Variants in HDAC9 observed in about 807,000 individuals in gnomAD.
HDAC9 encodes the protein MEF-2 interacting transcription repressor (MITR) protein.
Under a neutral mutation model 139.4 loss-of-function variants are expected in HDAC9, and 41 were observed. The observed-to-expected ratio is 0.29, with a 90% CI of 0.23 to 0.38. The LOEUF (loss-of-function observed/expected upper bound fraction) is 0.38, where lower values mean the gene tolerates loss of function less well. HDAC9 is among the 10% of genes least tolerant of loss of function. The probability of loss-of-function intolerance (pLI) is 1.00; values close to 1 mark genes in which losing one functional copy is unlikely to be tolerated. For synonymous variants in HDAC9, 517 were observed against 476.2 expected, an observed-to-expected ratio of 1.09 and a Z score of -1.12; for missense variants, 1,147 against 1,297.0, an observed-to-expected ratio of 0.88 and a Z score of 1.78.
intron 2 of HDAC9, among the ~76,000 whole-genome samples, chr7:18,193,272 C>G (rs781406361): frequency 7.9e-5 from 12 of 152,144 alleles, no homozygotes; most frequent in Non-Finnish European, 1.3e-4. Flanking sequence ...GAACAATAAT[C>G]TAATACATTT....
At chr7:18,741,566 G>A (rs970605710) in intron 13 of HDAC9, among the ~76,000 whole-genome samples, 35 of 152,290 alleles carry the variant, frequency 2.3e-4, no homozygotes, top group African/African-American at 8.4e-4. Flanking sequence ...TGATGGACAT[G>A]TGCAATGAGA....
intron 21 of HDAC9, among the ~76,000 whole-genome samples, chr7:18,856,167 CGG>C (rs1554380252): frequency 6.6e-6 from 1 of 151,994 alleles, no homozygotes; most frequent in Non-Finnish European, 1.5e-5. Context: ...CTGAGAGATA[CGG>C]CATCATAGGT....
At chr7:18,807,918 C>G (rs1441669593) in intron 17 of HDAC9, 2 of 152,166 alleles carry the variant, frequency 1.3e-5, no homozygotes, top group East Asian at 3.8e-4. Flanking sequence ...ATGGAATGTT[C>G]TCCATCTGTC....
intron 2 of HDAC9, among the ~76,000 whole-genome samples, chr7:18,188,674 T>C (rs191635935): frequency 4.9e-4 from 75 of 152,198 alleles, no homozygotes; most frequent in African/African-American, 1.8e-3. Flanking sequence ...TATCAAAAAG[T>C]GGGCAAAGGA....
At chr7:18,849,360 G>A (rs1203653559) in intron 21 of HDAC9, among the ~76,000 whole-genome samples, 1 of 152,182 alleles carries the variant, frequency 6.6e-6, no homozygotes, top group African/African-American at 2.4e-5. Flanking sequence ...AGAGGGAAAA[G>A]AGTGTCAGTT....
intron 12 of HDAC9, among the ~76,000 whole-genome samples, chr7:18,681,361 A>G (rs1781877235): frequency 6.6e-6 from 1 of 152,044 alleles, no homozygotes; most frequent in Non-Finnish European, 1.5e-5. Context: ...CTTTCTTTTA[A>G]AGTTAAAGTA....
intron 2 of HDAC9, among the ~76,000 whole-genome samples, chr7:18,503,601 T>C (rs1798976438): frequency 6.6e-6 from 1 of 152,200 alleles, no homozygotes. Flanking sequence ...GTACAGTGTT[T>C]CTTAAATACC....
Position 18,938,885 on chromosome 7 carries a change from T to C in HDAC9, c.2937+2943T>C, listed in dbSNP as rs139366004. Among the ~76,000 whole-genome samples the C allele has an allele frequency of 1.2e-3, 184 of 152,290 alleles. 1 individual carries two copies. The highest frequency in any genetic ancestry group is 4.4e-3 in the African/African-American group (181 of 41,564). ...GACAATGATGTCACCTGATTTAAAG[T>C]GTGAGACCTGTGCCTTTTCTCTATA... On this transcript the variant is annotated intron_variant, in intron 23 of 25. Transcript: ENST00000686413.
intron 2 of HDAC9, among the ~76,000 whole-genome samples, chr7:18,547,515 G>A (rs759559646): frequency 7.9e-5 from 12 of 152,144 alleles, no homozygotes; most frequent in East Asian, 5.8e-4. Flanking sequence ...GATTACAGGC[G>A]TGAGCCACCA....
At chr7:18,835,187 G>T (rs1255602990) in intron 19 of HDAC9, among the ~76,000 whole-genome samples, 1 of 152,086 alleles carries the variant, frequency 6.6e-6, no homozygotes, top group African/African-American at 2.4e-5. Flanking sequence ...CTCAATGACT[G>T]CTCATCTGGA....
intron 21 of HDAC9, among the ~76,000 whole-genome samples, chr7:18,867,077 A>T (rs1798554625): frequency 6.6e-6 from 1 of 151,928 alleles, no homozygotes; most frequent in African/African-American, 2.4e-5. Context: ...TAGTGGTAGT[A>T]CTCTTTCTGT....
At chr7:18,176,410 C>T (rs1318105435) in intron 2 of HDAC9, among the ~76,000 whole-genome samples, 1 of 152,142 alleles carries the variant, frequency 6.6e-6, no homozygotes, top group African/African-American at 2.4e-5. Flanking sequence ...TGGTTTGTCA[C>T]TGGAATTCCA....
chr7:18,664,976 C>A (rs1794400647), intron 11 of HDAC9, among the ~76,000 whole-genome samples: 1 of 152,086 alleles, frequency 6.6e-6, no homozygotes, highest in South Asian at 2.1e-4. Flanking sequence ...AATAAATCTA[C>A]CTACAGTGAA....
At chr7:18,572,446 A>C (rs1234101530) in intron 2 of HDAC9, among the ~76,000 whole-genome samples, 2 of 151,336 alleles carry the variant, frequency 1.3e-5, no homozygotes, top group African/African-American at 2.4e-5. Flanking sequence ...TATAACTCCA[A>C]GTATTTGTCT....
At chr7:18,142,260 A>G (rs889600625) in intron 1 of HDAC9, among the ~76,000 whole-genome samples, 18 of 152,170 alleles carry the variant, frequency 1.2e-4, no homozygotes, top group African/African-American at 4.1e-4. Flanking sequence ...GGCCCAAATA[A>G]GTAACTTAAT....
intron 14 of HDAC9, among the ~76,000 whole-genome samples, chr7:18,753,313 C>A (rs1788605351): frequency 6.6e-6 from 1 of 152,000 alleles, no homozygotes; most frequent in African/African-American, 2.4e-5. Flanking sequence ...GGTCAGCTGC[C>A]TCTATAGTCT....
intron 2 of HDAC9, among the ~76,000 whole-genome samples, chr7:18,186,214 C>A (rs2128145083): frequency 6.6e-6 from 1 of 152,326 alleles, no homozygotes. Context: ...CCACTGGTAA[C>A]AAGGTAGCGC....
At chr7:18,667,439 A>T (rs896058379) in intron 12 of HDAC9, 1 of 984,298 alleles carries the variant, frequency 1.0e-6, no homozygotes, top group African/African-American at 1.7e-5. Context: ...CATATACCGT[A>T]ACATTCTGGC....
In HDAC9 at chr7:18,716,410, AT is replaced by A. The variant is rs571486890; in HGVS notation, c.1732-11167del. Among the ~76,000 whole-genome samples the A allele has an allele frequency of 8.5e-5, 13 of 152,276 alleles. No individual in the cohort carries two copies. The East Asian group carries it at 2.5e-3, about 29-fold the overall frequency. On this transcript the variant is annotated intron_variant, in intron 12 of 25. Coordinates refer to ENST00000686413, the MANE Select transcript of HDAC9 (RefSeq NM_178425.4). ...ATTACTTATTGTGGACTTGTTATTT[AT>A]TTAATTTCAAAATTGGAATATAGTT...
Sources: allele counts gnomAD v4.1 joint callset (sites outside exome capture counted in the v4.1 genomes callset), GRCh38; gene constraint gnomAD v4.1.1; transcripts MANE v1.5; gene names NCBI Gene and HGNC (gene_info 2026-07-23, HGNC 2026-07-21).